CSMD2: variants seen among roughly 807,000 people sequenced by gnomAD.
The protein encoded by CSMD2 is CUB and Sushi multiple domains 2.
A neutral mutation model predicts 398.5 loss-of-function variants in CSMD2; 130 were observed. The observed-to-expected ratio is 0.33, with a 90% CI of 0.28 to 0.38. CSMD2 has a LOEUF of 0.38. Ranked by LOEUF, CSMD2 falls within the 10% of genes least tolerant of loss-of-function variation. The probability of loss-of-function intolerance (pLI) is 1.00; values close to 1 mark genes in which losing one functional copy is unlikely to be tolerated. For missense variants in CSMD2, 3,829 were observed against 4,764.9 expected (o/e 0.80, Z 5.78); for synonymous variants, 1,828 against 1,908.5 (o/e 0.96, Z 1.10).
intron 3 of CSMD2, among the ~76,000 whole-genome samples, chr1:33,963,666 A>C (rs1645450993): frequency 6.6e-6 from 1 of 151,994 alleles, no homozygotes; most frequent in Non-Finnish European, 1.5e-5. Flanking sequence ...ATCATACAGG[A>C]CTCATTTTGG....
intron 12 of CSMD2, among the ~76,000 whole-genome samples, chr1:33,783,431 T>TTCTCTCTCTCTCTC (rs55769634): frequency 8.5e-4 from 115 of 135,228 alleles, no homozygotes; most frequent in African/African-American, 2.5e-3. Context: ...CATTCTCTCA[T>TTCTCTCTCTCTCTC]TCTCTCTCTC....
chr1:33,739,490 C>T (rs371206302), intron 14 of CSMD2, among the ~76,000 whole-genome samples, 156 bp from the exon 15 acceptor site: 10 of 152,234 alleles, frequency 6.6e-5, no homozygotes, highest in African/African-American at 1.9e-4. Context: ...TCTAGGACCT[C>T]GGCATTAAGC....
chr1:33,930,792 C>T (rs1316193051), intron 4 of CSMD2, among the ~76,000 whole-genome samples: 1 of 152,200 alleles, frequency 6.6e-6, no homozygotes, highest in Non-Finnish European at 1.5e-5. Context: ...GGGTCACAGG[C>T]CCCATCTCCT....
chr1:33,591,787 G>A (rs1164122675), intron 44 of CSMD2: 2 of 152,218 alleles, frequency 1.3e-5, no homozygotes, highest in Admixed American at 6.5e-5. Context: ...ACCACACCCA[G>A]CTAATTTTTT....
intron 25 of CSMD2, among the ~76,000 whole-genome samples, chr1:33,670,661 G>T (rs1169527205): frequency 6.6e-6 from 1 of 152,114 alleles, no homozygotes. Context: ...TGCAACCATG[G>T]TCTCACACTT....
chr1:33,776,337 T>C (rs1383596701), intron 12 of CSMD2, among the ~76,000 whole-genome samples: 1 of 151,732 alleles, frequency 6.6e-6, no homozygotes, highest in East Asian at 1.9e-4. Flanking sequence ...AAGACTGCAG[T>C]AAAGAGGGAA....
intron 13 of CSMD2, among the ~76,000 whole-genome samples, chr1:33,745,562 C>A: frequency 6.6e-6 from 1 of 152,154 alleles, no homozygotes; most frequent in African/African-American, 2.4e-5. Context: ...AAATTGGTGA[C>A]TCCTTGTGAT....
chr1:33,580,080 AC>A (rs1279657262), intron 48 of CSMD2, among the ~76,000 whole-genome samples: 1 of 151,392 alleles, frequency 6.6e-6, no homozygotes, highest in African/African-American at 2.4e-5. Flanking sequence ...GTGTGATGGA[AC>A]CCCCCATGGT....
intron 1 of CSMD2, among the ~76,000 whole-genome samples, chr1:34,117,964 A>G (rs1251356740): frequency 6.6e-6 from 1 of 152,156 alleles, no homozygotes; most frequent in Non-Finnish European, 1.5e-5. Context: ...CTGAAATTCC[A>G]GCACTTTGGG....
chr1:33,621,881 A>G (rs768336292), intron 37 of CSMD2, among the ~76,000 whole-genome samples: 5 of 152,228 alleles, frequency 3.3e-5, no homozygotes, highest in Non-Finnish European at 5.9e-5. Flanking sequence ...ATTTTCTTAC[A>G]TCCCAATTAT....
At chr1:34,107,762 C>T (rs140092495) in intron 1 of CSMD2, among the ~76,000 whole-genome samples, 94 of 152,324 alleles carry the variant, frequency 6.2e-4, no homozygotes, top group African/African-American at 2.1e-3. Context: ...GTTAGAACTC[C>T]TAGGCTTCTG....
chr1:33,683,328 CAT>C (rs750930692), intron 25 of CSMD2, among the ~76,000 whole-genome samples: 62 of 151,986 alleles, frequency 4.1e-4, no homozygotes, highest in Admixed American at 3.9e-4. Context: ...TATAGTAAAA[CAT>C]GTTTAGAAAA....
chr1:33,839,139 A>G (rs1338319780), intron 6 of CSMD2: 1 of 152,256 alleles, frequency 6.6e-6, no homozygotes, highest in East Asian at 1.9e-4. Context: ...GAATTAGACA[A>G]CAGAGATTGA....
intron 5 of CSMD2, among the ~76,000 whole-genome samples, chr1:33,859,964 A>G (rs1025971993): frequency 3.3e-5 from 5 of 152,156 alleles, no homozygotes; most frequent in African/African-American, 1.2e-4. Context: ...TTTCTTTAAA[A>G]AAATGTTATT....
intron 1 of CSMD2, among the ~76,000 whole-genome samples, chr1:34,129,280 G>A (rs1245273470): frequency 1.3e-5 from 2 of 151,528 alleles, no homozygotes; most frequent in Non-Finnish European, 2.9e-5. Flanking sequence ...GTGTAGAAGC[G>A]TGTGTGTGTG....
At chr1:34,106,081 G>C (rs1353688111) in intron 1 of CSMD2, among the ~76,000 whole-genome samples, 1 of 152,158 alleles carries the variant, frequency 6.6e-6, no homozygotes, top group Non-Finnish European at 1.5e-5. Context: ...TATAGGTGGG[G>C]GTGTTAATGG....
intron 1 of CSMD2, among the ~76,000 whole-genome samples, chr1:34,094,591 A>T (rs1179193471): frequency 1.3e-5 from 2 of 152,186 alleles, no homozygotes; most frequent in Non-Finnish European, 2.9e-5. Flanking sequence ...AAAACAAAAA[A>T]AGGCAGGGGT....
intron 5 of CSMD2, among the ~76,000 whole-genome samples, chr1:33,900,780 CAA>C (rs397861504): frequency 2.5e-4 from 30 of 118,996 alleles, no homozygotes; most frequent in South Asian, 5.3e-4. Flanking sequence ...AACTCCATCT[CAA>C]AAAAAAAAAA....
intron 1 of CSMD2, among the ~76,000 whole-genome samples, chr1:34,125,776 G>A (rs1353701946): frequency 1.3e-5 from 2 of 152,114 alleles, no homozygotes; most frequent in African/African-American, 4.8e-5. Flanking sequence ...TCCACACAGA[G>A]GTGGACTCTC....
Sources: gnomAD v4.1 joint callset for allele counts (sites outside exome capture counted in the v4.1 genomes callset) on GRCh38, gnomAD v4.1.1 for gene constraint, MANE v1.5 for transcripts, NCBI Gene and HGNC (gene_info 2026-07-23, HGNC 2026-07-21) for gene names.